The following CLIP4 variants were observed in gnomAD, a reference collection of about 807,000 sequenced individuals.
CLIP4 encodes the protein CAP-Gly domain containing linker protein family member 4.
In CLIP4, 47 loss-of-function variants were observed where a neutral mutation model predicts 73.1. The ratio of observed to expected loss-of-function variants is 0.64; its 90% CI spans 0.51 to 0.82. CLIP4 has a LOEUF of 0.82. Ranked by LOEUF, CLIP4 falls within the 40% of genes least tolerant of loss-of-function variation. CLIP4 has a pLI of 0.00. For synonymous variants in CLIP4, 306 were observed against 295.4 expected (o/e 1.04, Z -0.37); for missense variants, 874 against 852.9 (o/e 1.02, Z -0.31).
rs1301084530 is a variant in CLIP4 at position 29,163,899 on chromosome 2, T to C, written c.1603T>C (p.Tyr535His). The C allele has an allele frequency of 1.2e-6, 2 of 1,613,390 alleles. No homozygotes were observed. The highest frequency in any genetic ancestry group is 2.7e-5 in the African/African-American group (2 of 74,938). ...TGATGGTTCAGTTGGAGGTGTGCAGTATTTTAGCTGTTCTCCAAGATATGG... is the reference window on the plus strand; with the variant it reads ...TGATGGTTCAGTTGGAGGTGTGCAGCATTTTAGCTGTTCTCCAAGATATGG... ...KNDGSVGGVQ[Y>H]FSCSPRYGIF... The change falls in exon 13 of 16, where the codon TAT (tyrosine) becomes CAT (histidine). Residue 535 changes from tyrosine (Y) to histidine (H), a missense_variant. Tyr to His is a moderately conservative substitution (Grantham distance 83, BLOSUM62 2). Transcript: ENST00000320081.
chr2:29,154,050 T>G (rs1229547955), intron 9 of CLIP4, among the ~76,000 whole-genome samples: 2 of 152,142 alleles, frequency 1.3e-5, no homozygotes, highest in Non-Finnish European at 2.9e-5. Flanking sequence ...AAATTATGAG[T>G]TTAGAATATC....
At position 29,181,138 on chromosome 2, in the gene CLIP4, G is replaced by A. The variant is rs75307162; in HGVS notation, c.1797-434G>A. 5.0e-3 allele frequency among the ~76,000 whole-genome samples: 760 copies of A among 152,138 alleles called. 1 individual carries two copies. Among genetic ancestry groups the A allele is most frequent in the African/African-American group, 0.017 (709 of 41,484 alleles). ...TAAACAGCTGATTAATACATATTTT[G>A]TATGTTACATATAGTATGTACTGTA... is the stretch of plus-strand genomic sequence containing the variant. On this transcript the variant is annotated intron_variant, in intron 15 of 15. Coordinates refer to ENST00000320081, the MANE Select transcript of CLIP4 (RefSeq NM_024692.6).
Position 29,141,107 on chromosome 2 carries a change from G to A in CLIP4, c.649-2602G>A, listed in dbSNP as rs189155176. On this transcript the variant is annotated intron_variant, in intron 6 of 15. Transcript: ENST00000320081. Reference sequence around the variant, plus strand: ...TTACCCAAAAGTCATTCTGGAGCAAGTTTTCTAGTTTGCATGTATTTGTGT... The same window carrying A: ...TTACCCAAAAGTCATTCTGGAGCAAATTTTCTAGTTTGCATGTATTTGTGT... Among the ~76,000 whole-genome samples, 244 of 152,152 alleles carry A rather than the reference G, an allele frequency of 1.6e-3. 1 individual carries two copies. Among genetic ancestry groups the A allele is most frequent in the African/African-American group, 5.7e-3 (238 of 41,514 alleles).
At chr2:29,105,481 TTCTC>T (rs947381956) in intron 1 of CLIP4, among the ~76,000 whole-genome samples, 3 of 152,184 alleles carry the variant, frequency 2.0e-5, no homozygotes, top group African/African-American at 7.2e-5. Flanking sequence ...TCCTCAGTCT[TTCTC>T]TCTTTAGAAA....
At chr2:29,178,490 A>T (rs1668470428) in intron 15 of CLIP4, among the ~76,000 whole-genome samples, 1 of 152,084 alleles carries the variant, frequency 6.6e-6, no homozygotes, top group Non-Finnish European at 1.5e-5. Flanking sequence ...CATGTGTCTG[A>T]ATTTTTAAGC....
intron 2 of CLIP4, among the ~76,000 whole-genome samples, chr2:29,123,022 T>C (rs968063065): frequency 6.6e-6 from 1 of 152,174 alleles, no homozygotes; most frequent in African/African-American, 2.4e-5. Flanking sequence ...GTTAAAAAGC[T>C]TTAGTTGTAA....
intron 6 of CLIP4, among the ~76,000 whole-genome samples, chr2:29,136,085 G>T (rs1383755391): frequency 2.0e-5 from 3 of 151,930 alleles, no homozygotes; most frequent in Non-Finnish European, 4.4e-5. Context: ...CTTTGAAAAT[G>T]AAATGTTTAA....
At chr2:29,144,924 C>A (rs1462407151) in intron 7 of CLIP4, among the ~76,000 whole-genome samples, 1 of 150,986 alleles carries the variant, frequency 6.6e-6, no homozygotes, top group Non-Finnish European at 1.5e-5. Context: ...TGCCTCAGCC[C>A]CTGTAGTAGC....
rs1361413562 is a variant in CLIP4 at position 29,174,236 on chromosome 2, GCCA to G, written c.1724-133_1724-131del. Reference sequence around the variant, plus strand: ...CAAAGTGCTGGGATTACAGGTGTGAGCCACCATGCCAGCCTGCTGTTTTGAAAG... The same window carrying G: ...CAAAGTGCTGGGATTACAGGTGTGAGCCATGCCAGCCTGCTGTTTTGAAAG... On this transcript the variant is annotated intron_variant, in intron 14 of 15. Coordinates refer to ENST00000320081, the MANE Select transcript of CLIP4 (RefSeq NM_024692.6). 1.4e-4 allele frequency: 103 copies of G among 759,554 alleles called. No homozygotes were observed. The East Asian group carries it at 2.8e-3, about 21-fold the overall frequency. 47.1% of individuals were successfully genotyped at this position (759,554 alleles called of 1,614,324 possible).
rs747739565 is a variant in CLIP4, at chr2:29,181,568, A to G, written c.1797-4A>G. 1.3e-6 allele frequency: 2 copies of G among 1,598,762 alleles called. No individual in the cohort carries two copies. ...AATTTTTCCCACTTTTCCCTTCCGCACAGATCGAAAGCTGCTTTGCGTCGC... is the reference window on the plus strand; with the variant it reads ...AATTTTTCCCACTTTTCCCTTCCGCGCAGATCGAAAGCTGCTTTGCGTCGC... On this transcript the variant is annotated splice_polypyrimidine_tract_variant and splice_region_variant and intron_variant, in intron 15 of 15. Transcript: ENST00000320081.
chr2:29,140,168 T>G (rs558324752), intron 6 of CLIP4, among the ~76,000 whole-genome samples: 2 of 152,250 alleles, frequency 1.3e-5, no homozygotes, highest in East Asian at 3.9e-4. Context: ...CATGATGGTG[T>G]GCTGCACCCA....
chr2:29,101,701 A>G (rs574911979), intron 1 of CLIP4, among the ~76,000 whole-genome samples: 3 of 152,304 alleles, frequency 2.0e-5, no homozygotes, highest in East Asian at 3.9e-4. Flanking sequence ...AGTATTAACC[A>G]TCACAGTCCT....
At chr2:29,129,488 T>C (rs1265177521) in intron 2 of CLIP4, among the ~76,000 whole-genome samples, 3 of 151,962 alleles carry the variant, frequency 2.0e-5, no homozygotes, top group Non-Finnish European at 2.9e-5. Context: ...TCTTATAGCT[T>C]TCATTTCCAA....
intron 14 of CLIP4, chr2:29,167,751 A>C: frequency 2.4e-4 from 95 of 399,674 alleles, no homozygotes; most frequent in Non-Finnish European, 2.9e-4. Flanking sequence ...ATCCCATCTC[A>C]TCTGCCTTGC....
intron 7 of CLIP4, 54 bp downstream of exon 7, chr2:29,143,999 T>TA: frequency 9.7e-6 from 14 of 1,436,746 alleles, no homozygotes; most frequent in Non-Finnish European, 1.3e-5. Context: ...CCATGACCTA[T>TA]GTTCAAGGAC....
At chr2:29,144,087 C>T in intron 7 of CLIP4, 142 bp downstream of exon 7, 1 of 700,184 alleles carries the variant, frequency 1.4e-6, no homozygotes, top group Non-Finnish European at 2.6e-6. Flanking sequence ...AAATGTAAAA[C>T]TTAGATATGA....
intron 8 of CLIP4, among the ~76,000 whole-genome samples, 181 bp downstream of exon 8, chr2:29,145,548 C>T (rs542849994): frequency 9.2e-5 from 14 of 151,946 alleles, no homozygotes; most frequent in Admixed American, 7.2e-4. Context: ...TGACGAGAGG[C>T]GACGTGAGAG....
intron 6 of CLIP4, among the ~76,000 whole-genome samples, chr2:29,137,638 A>G (rs1232530248): frequency 6.6e-6 from 1 of 152,196 alleles, no homozygotes; most frequent in Non-Finnish European, 1.5e-5. Flanking sequence ...ATTCCCACTA[A>G]CAGTGTATAA....
rs1455094972 is a variant in CLIP4, at chr2:29,115,667, TGGGCCGGGGGCGCGCGGGGCCCCCCC to T, written c.-16+9_-16+34del. The T allele has an allele frequency of 1.4e-5, 2 of 145,034 alleles. No individual in the cohort carries two copies. Among genetic ancestry groups the T allele is most frequent in the Non-Finnish European group, 3.1e-5 (2 of 65,488 alleles). The allele number at this position is 145,034 out of a possible 1,614,324, so 9.0% of individuals were successfully genotyped here. ...TCCGAGAGGACCCGGAGGAGGCAGG[TGGGCCGGGGGCGCGCGGGGCCCCCCC>T]GGGCCGCGGGCTGGCCGGCGGCGGG... On this transcript the variant is annotated splice_donor_5th_base_variant and intron_variant, in intron 1 of 15. Transcript: ENST00000320081. The surrounding 1 kb of genome is among the most constrained non-coding windows in gnomAD (Gnocchi z 5.1).
Sources: allele counts gnomAD v4.1 joint callset (sites outside exome capture counted in the v4.1 genomes callset), GRCh38; gene constraint gnomAD v4.1.1; non-coding constraint Gnocchi (gnomAD v3.1); transcripts MANE v1.5; gene names NCBI Gene and HGNC (gene_info 2026-07-23, HGNC 2026-07-21).